WWOX: variants seen among roughly 807,000 people sequenced by gnomAD.
WWOX encodes WW domain containing oxidoreductase.
A neutral mutation model predicts 46.2 loss-of-function variants in WWOX; 69 were observed. The observed-to-expected ratio is 1.49, with a 90% CI of 1.23 to 1.82. The LOEUF (loss-of-function observed/expected upper bound fraction) is 1.82, where lower values mean the gene tolerates loss of function less well. Among genes scored for constraint, WWOX ranks in the 40% most tolerant of loss-of-function variants. The pLI is 0.00. For synonymous variants in WWOX, 359 were observed against 202.6 expected (o/e 1.77, Z -6.56); for missense variants, 919 against 542.6 (o/e 1.69, Z -6.89).
chr16:78,959,591 C>T (rs1215044784), intron 8 of WWOX, among the ~76,000 whole-genome samples: 2 of 152,064 alleles, frequency 1.3e-5, no homozygotes, highest in African/African-American at 2.4e-5. Flanking sequence ...GTTGTGAGAA[C>T]CCGTAGTATT....
At chr16:78,830,307 T>A (rs538338074) in intron 8 of WWOX, among the ~76,000 whole-genome samples, 53 of 135,062 alleles carry the variant, frequency 3.9e-4, no homozygotes, top group African/African-American at 1.4e-3. Context: ...ATAATAAGCA[T>A]ATTTATATAT....
Position 79,025,804 on chromosome 16 carries a change from C to CTTTTTTTTTTTT in WWOX, c.1057-185793_1057-185792insTTTTTTTTTTTT, listed in dbSNP as rs60681938. ...TTCTTTGCTTTGCTTTGCTTGCTTG[C>CTTTTTTTTTTTT]TTTTTTTTTTTGAGACGGAGTTTTG... is the stretch of plus-strand genomic sequence containing the variant. On this transcript the variant is annotated intron_variant, in intron 8 of 8. Coordinates refer to ENST00000566780, the MANE Select transcript of WWOX (RefSeq NM_016373.4). Among the ~76,000 whole-genome samples, 132 of 104,036 alleles carry CTTTTTTTTTTTT rather than the reference C, an allele frequency of 1.3e-3. 6 individuals carry two copies. Among genetic ancestry groups the CTTTTTTTTTTTT allele is most frequent in the Non-Finnish European group, 1.6e-3 (87 of 54,684 alleles). The allele number at this position is 104,036 out of a possible 152,430, so 68.3% of individuals were successfully genotyped here. A position where few individuals can be genotyped will look rare whatever the true frequency, so the allele number is the denominator to read the frequency against.
intron 8 of WWOX, among the ~76,000 whole-genome samples, chr16:78,747,673 C>G (rs1304448640): frequency 1.3e-5 from 2 of 152,168 alleles, no homozygotes; most frequent in Non-Finnish European, 2.9e-5. Context: ...TTACCACTTT[C>G]TGAATATGTA....
intron 8 of WWOX, among the ~76,000 whole-genome samples, chr16:78,560,532 TACTTGGGAGGCTGAGGCAGGAG>T (rs2044411114): frequency 6.6e-6 from 1 of 152,112 alleles, no homozygotes; most frequent in African/African-American, 2.4e-5. Context: ...TAATCCCAGC[TACTTGGGAGGCTGAGGCAGGAG>T]AATCCCTTGA....
intron 5 of WWOX, among the ~76,000 whole-genome samples, chr16:78,356,288 AGTGT>A (rs1490846051): frequency 6.6e-6 from 1 of 150,990 alleles, no homozygotes; most frequent in Non-Finnish European, 1.5e-5. Flanking sequence ...TTCTTTTTCT[AGTGT>A]GTGTGTACCT....
chr16:79,050,702 T>G (rs1025005150), intron 8 of WWOX, among the ~76,000 whole-genome samples: 1 of 152,012 alleles, frequency 6.6e-6, no homozygotes, highest in South Asian at 2.1e-4. Flanking sequence ...AAAAAATCAA[T>G]CTGGCGAAAT....
At chr16:78,777,519 G>A (rs182764219) in intron 8 of WWOX, among the ~76,000 whole-genome samples, 2 of 152,284 alleles carry the variant, frequency 1.3e-5, no homozygotes, top group East Asian at 3.9e-4. Context: ...CTGCTGCTAA[G>A]AGGCCCCTGG....
chr16:78,127,885 G>C (rs1163093878), intron 4 of WWOX, among the ~76,000 whole-genome samples: 1 of 152,194 alleles, frequency 6.6e-6, no homozygotes, highest in Admixed American at 6.5e-5. Flanking sequence ...GACACAGATT[G>C]TCCTTAACTT....
At chr16:78,797,859 G>A (rs187271573) in intron 8 of WWOX, among the ~76,000 whole-genome samples, 7 of 152,286 alleles carry the variant, frequency 4.6e-5, no homozygotes, top group Admixed American at 2.0e-4. Context: ...GTGGTGGCGC[G>A]TGCCTGTAGT....
intron 8 of WWOX, among the ~76,000 whole-genome samples, chr16:79,198,835 A>G (rs1231315563): frequency 6.6e-6 from 1 of 152,218 alleles, no homozygotes; most frequent in African/African-American, 2.4e-5. Flanking sequence ...AATGTTTGCT[A>G]GTCTTTGTTG....
chr16:78,413,946 A>G (rs1024765822), intron 6 of WWOX, among the ~76,000 whole-genome samples: 5 of 151,670 alleles, frequency 3.3e-5, no homozygotes, highest in East Asian at 2.0e-4. Context: ...ACCTGCACAT[A>G]TACATCCAGA....
intron 8 of WWOX, among the ~76,000 whole-genome samples, chr16:78,506,728 T>TTTTTTTTTTTTTTTTTTTTTTTG (rs1330915138): frequency 4.3e-5 from 4 of 93,592 alleles, no homozygotes; most frequent in Non-Finnish European, 4.5e-5. Flanking sequence ...TTTTTTTTTT[T>TTTTTTTTTTTTTTTTTTTTTTTG]GTACAGAGTC....
chr16:78,848,109 C>G (rs1231206104), intron 8 of WWOX, among the ~76,000 whole-genome samples: 3 of 152,150 alleles, frequency 2.0e-5, no homozygotes, highest in Non-Finnish European at 2.9e-5. Flanking sequence ...GAGCACAGCC[C>G]ATTCGCGGAC....
At chr16:79,039,287 C>T (rs371223137) in intron 8 of WWOX, among the ~76,000 whole-genome samples, 3 of 152,206 alleles carry the variant, frequency 2.0e-5, no homozygotes, top group East Asian at 1.9e-4. Context: ...AACCTCTCTG[C>T]GCCCTTGGAT....
chr16:78,328,074 A>G (rs186856270), intron 5 of WWOX, among the ~76,000 whole-genome samples: 9 of 152,078 alleles, frequency 5.9e-5, no homozygotes, highest in Admixed American at 3.3e-4. Context: ...ACATTTTGCC[A>G]TGTTGGCCAG....
chr16:78,324,765 A>T (rs2080572458), intron 5 of WWOX, among the ~76,000 whole-genome samples: 1 of 114,616 alleles, frequency 8.7e-6, no homozygotes, highest in African/African-American at 3.4e-5. Context: ...TAGATGAGTG[A>T]TGACTCAGGG....
intron 8 of WWOX, among the ~76,000 whole-genome samples, chr16:78,799,554 C>T (rs776220571): frequency 6.6e-6 from 1 of 152,274 alleles, no homozygotes; most frequent in South Asian, 2.1e-4. Context: ...CGAATCTCTG[C>T]GTATGGAATT....
chr16:78,110,339 CAAAAAAA>C (rs34862048), intron 3 of WWOX, among the ~76,000 whole-genome samples: 1 of 85,706 alleles, frequency 1.2e-5, no homozygotes, highest in Non-Finnish European at 2.2e-5. Context: ...GACTCCTTCT[CAAAAAAA>C]AAAAAAAAAA....
At position 78,158,452 on chromosome 16, in the gene WWOX, C is replaced by T. The variant is rs111916275; in HGVS notation, c.410-5731C>T. Reference sequence around the variant, plus strand: ...GTTCAAGCTCTGGATTAGACTGCCTCTTCTTTTTCCTCCCTCCCTCCCCTC... The same window carrying T: ...GTTCAAGCTCTGGATTAGACTGCCTTTTCTTTTTCCTCCCTCCCTCCCCTC... On this transcript the variant is annotated intron_variant, in intron 4 of 8. Transcript: ENST00000566780. Among the ~76,000 whole-genome samples the T allele has an allele frequency of 4.4e-3, 666 of 152,150 alleles. 5 individuals carry two copies. The highest frequency in any genetic ancestry group is 0.015 in the African/African-American group (628 of 41,540).
Sources: allele counts gnomAD v4.1 joint callset (sites outside exome capture counted in the v4.1 genomes callset), GRCh38; gene constraint gnomAD v4.1.1; transcripts MANE v1.5; gene names NCBI Gene and HGNC (gene_info 2026-07-23, HGNC 2026-07-21).